The following KCND2 variants were observed in gnomAD, a reference collection of about 807,000 sequenced individuals.
The protein encoded by KCND2 is potassium voltage-gated channel subfamily D member 2.
Under a neutral mutation model 54.4 loss-of-function variants are expected in KCND2, and 16 were observed. The ratio of observed to expected loss-of-function variants is 0.29; its 90% CI spans 0.20 to 0.45. KCND2 has a LOEUF of 0.45. KCND2 is among the 20% of genes least tolerant of loss of function. The pLI is 1.00. For synonymous variants in KCND2, 317 were observed against 310.7 expected (o/e 1.02, Z -0.21); for missense variants, 486 against 824.2 (o/e 0.59, Z 5.02).
rs1391054839 is a variant in KCND2 at position 120,273,782 on chromosome 7, G to T, written c.-851G>T. 1.3e-5 allele frequency: 2 copies of T among 152,826 alleles called. No homozygotes were observed. Among genetic ancestry groups the T allele is most frequent in the Non-Finnish European group, 2.9e-5 (2 of 68,186 alleles). 9.5% of individuals were successfully genotyped at this position (152,826 alleles called of 1,614,324 possible). On this transcript the variant is annotated 5_prime_UTR_variant, in exon 1 of 6. Transcript: ENST00000331113. ...TTGGCCAGGTATGTACCGCGGGAGC[G>T]GCGCGTTCTGCGCGGAAGCAGATGC... is the stretch of plus-strand genomic sequence containing the variant.
At chr7:120,313,211 G>T (rs1563005898) in intron 1 of KCND2, among the ~76,000 whole-genome samples, 2 of 152,134 alleles carry the variant, frequency 1.3e-5, no homozygotes, top group African/African-American at 2.4e-5. Context: ...ATTTAGATAA[G>T]AGATGCTTGT....
At chr7:120,297,767 G>T (rs1799531634) in intron 1 of KCND2, among the ~76,000 whole-genome samples, 1 of 152,060 alleles carries the variant, frequency 6.6e-6, no homozygotes, top group Non-Finnish European at 1.5e-5. Context: ...AGCCTCTTGT[G>T]CTCTAATTGA....
intron 1 of KCND2, among the ~76,000 whole-genome samples, chr7:120,346,980 C>G (rs572821175): frequency 6.6e-6 from 1 of 152,114 alleles, no homozygotes; most frequent in African/African-American, 2.4e-5. Flanking sequence ...GGATTATAGT[C>G]TAATGGGAGG....
At chr7:120,299,208 A>G (rs1799552611) in intron 1 of KCND2, among the ~76,000 whole-genome samples, 1 of 152,294 alleles carries the variant, frequency 6.6e-6, no homozygotes, top group Non-Finnish European at 1.5e-5. Flanking sequence ...AAAGTATATC[A>G]TTTAGTCTTG....
chr7:120,292,860 G>A (rs1799455704), intron 1 of KCND2, among the ~76,000 whole-genome samples: 1 of 151,646 alleles, frequency 6.6e-6, no homozygotes. Flanking sequence ...TCAAACTTTT[G>A]TTGTATAATG....
At position 120,649,206 on chromosome 7, in the gene KCND2, T is replaced by C. The variant is rs1461539952; in HGVS notation, c.1116-83697T>C. Among the ~76,000 whole-genome samples, 5 of 146,214 alleles carry C rather than the reference T, an allele frequency of 3.4e-5. No individual in the cohort carries two copies. The East Asian group carries it at 9.8e-4, about 29-fold the overall frequency. On this transcript the variant is annotated intron_variant, in intron 1 of 5. Coordinates refer to ENST00000331113, the MANE Select transcript of KCND2 (RefSeq NM_012281.3). ...ATTTAAATCAAGATATTTTGTCTTGTTTTTTTTTTTCATTTCAGTCTATGT... is the reference window on the plus strand; with the variant it reads ...ATTTAAATCAAGATATTTTGTCTTGCTTTTTTTTTTCATTTCAGTCTATGT...
intron 1 of KCND2, among the ~76,000 whole-genome samples, chr7:120,680,644 T>A (rs191479590): frequency 6.6e-6 from 1 of 152,228 alleles, no homozygotes. Flanking sequence ...CTCTGCTTCA[T>A]TAGCAAAATT....
At chr7:120,625,013 T>C (rs1313530427) in intron 1 of KCND2, among the ~76,000 whole-genome samples, 1 of 152,192 alleles carries the variant, frequency 6.6e-6, no homozygotes, top group Non-Finnish European at 1.5e-5. Flanking sequence ...CTAATGTATA[T>C]CTCAAAGTAT....
At chr7:120,383,134 A>G (rs184847314) in intron 1 of KCND2, among the ~76,000 whole-genome samples, 4 of 152,014 alleles carry the variant, frequency 2.6e-5, no homozygotes. Context: ...TCTGAAATTA[A>G]TTCTGAGTGA....
intron 3 of KCND2, chr7:120,742,260 T>A (rs972046931): frequency 6.5e-6 from 3 of 458,466 alleles, no homozygotes; most frequent in African/African-American, 2.0e-5. Flanking sequence ...TAGTTGCTAG[T>A]TGAATGAGTA....
At chr7:120,571,803 A>G (rs1792369684) in intron 1 of KCND2, among the ~76,000 whole-genome samples, 1 of 152,194 alleles carries the variant, frequency 6.6e-6, no homozygotes, top group Non-Finnish European at 1.5e-5. Flanking sequence ...GTCTTCCTCA[A>G]AGTCAGATAT....
intron 1 of KCND2, among the ~76,000 whole-genome samples, chr7:120,424,014 A>G (rs1437918650): frequency 6.6e-6 from 1 of 152,250 alleles, no homozygotes; most frequent in Non-Finnish European, 1.5e-5. Flanking sequence ...GGATAAAAAC[A>G]TAAAATTGGT....
intron 1 of KCND2, among the ~76,000 whole-genome samples, chr7:120,333,188 G>A (rs79967079): frequency 0.028 from 4,305 of 152,172 alleles, 99 homozygotes; most frequent in Non-Finnish European, 0.047. Flanking sequence ...GGCTTAGTAG[G>A]AACGAGTTAT....
At chr7:120,631,528 T>C (rs975524762) in intron 1 of KCND2, among the ~76,000 whole-genome samples, 5 of 152,080 alleles carry the variant, frequency 3.3e-5, no homozygotes, top group East Asian at 1.9e-4. Context: ...GAAATCAACA[T>C]TGGGATTTTC....
rs944189826 is a variant in KCND2, at chr7:120,400,615, ATTAT to A, written c.1115+124872_1115+124875del. On this transcript the variant is annotated intron_variant, in intron 1 of 5. Coordinates refer to ENST00000331113, the MANE Select transcript of KCND2 (RefSeq NM_012281.3). ...ATTATTTAATCAATTAAAGTAAATA[ATTAT>A]TTAATCAATTAAACTACCACTGTGT... Among the ~76,000 whole-genome samples the A allele has an allele frequency of 1.1e-4, 17 of 150,480 alleles. No individual in the cohort carries two copies. In the East Asian group the frequency reaches 1.9e-3, roughly 17 times the overall value.
chr7:120,481,555 C>G (rs934787957), intron 1 of KCND2, among the ~76,000 whole-genome samples: 3 of 152,138 alleles, frequency 2.0e-5, no homozygotes, highest in Admixed American at 2.0e-4. Flanking sequence ...TTTTGGAGAT[C>G]TTCTAGGCCA....
intron 1 of KCND2, among the ~76,000 whole-genome samples, chr7:120,611,687 C>A (rs1257733091): frequency 1.3e-5 from 2 of 152,142 alleles, no homozygotes; most frequent in Non-Finnish European, 2.9e-5. Context: ...TTCTGCTCTC[C>A]ACGATGAAGT....
chr7:120,336,569 A>G (rs1207427205), intron 1 of KCND2, among the ~76,000 whole-genome samples: 1 of 152,176 alleles, frequency 6.6e-6, no homozygotes, highest in Non-Finnish European at 1.5e-5. Context: ...ATAAATGGAT[A>G]AATAATTACA....
intron 1 of KCND2, among the ~76,000 whole-genome samples, chr7:120,476,764 C>T (rs987603044): frequency 6.6e-6 from 1 of 152,078 alleles, no homozygotes; most frequent in African/African-American, 2.4e-5. Context: ...TTTGTGTTGA[C>T]TCATATTATA....
Sources: gnomAD v4.1 joint callset for allele counts (sites outside exome capture counted in the v4.1 genomes callset) on GRCh38, gnomAD v4.1.1 for gene constraint, MANE v1.5 for transcripts, NCBI Gene and HGNC (gene_info 2026-07-23, HGNC 2026-07-21) for gene names.